The following MGAT4C variants were observed in gnomAD, a reference collection of about 807,000 sequenced individuals.
MGAT4C encodes MGAT4 family member C.
In MGAT4C, 19 loss-of-function variants were observed where a neutral mutation model predicts 40.1. The observed-to-expected ratio is 0.47, with a 90% CI of 0.33 to 0.70. MGAT4C has a LOEUF of 0.70. Ranked by LOEUF, MGAT4C falls within the 30% of genes least tolerant of loss-of-function variation. The probability of loss-of-function intolerance (pLI) is 0.02; values close to 1 mark genes in which losing one functional copy is unlikely to be tolerated. For missense variants in MGAT4C, 491 were observed against 563.2 expected (o/e 0.87, Z 1.30); for synonymous variants, 181 against 187.1 (o/e 0.97, Z 0.27).
chr12:86,022,912 T>G (rs1297569825), intron 2 of MGAT4C, among the ~76,000 whole-genome samples: 1 of 151,928 alleles, frequency 6.6e-6, no homozygotes, highest in Admixed American at 6.6e-5. Context: ...ATAGAGGAGA[T>G]GAAGACAGAC....
chr12:86,379,282 G>T (rs1198408167), intron 3 of MGAT4C, among the ~76,000 whole-genome samples: 1 of 151,956 alleles, frequency 6.6e-6, no homozygotes, highest in African/African-American at 2.4e-5. Context: ...AGTCATAGTT[G>T]TCCTCTCTCC....
At chr12:86,750,692 A>T (rs1427692018) in intron 1 of MGAT4C, among the ~76,000 whole-genome samples, 1 of 151,974 alleles carries the variant, frequency 6.6e-6, no homozygotes. Context: ...TTACTAATAT[A>T]GGTAACTTGA....
chr12:86,716,720 C>T (rs906234692), intron 2 of MGAT4C, among the ~76,000 whole-genome samples: 2 of 152,090 alleles, frequency 1.3e-5, no homozygotes, highest in Admixed American at 1.3e-4. Context: ...TAAGTGGTAG[C>T]TGTCAACTGA....
chr12:86,677,859 G>A (rs1311496404), intron 2 of MGAT4C, among the ~76,000 whole-genome samples: 1 of 152,062 alleles, frequency 6.6e-6, no homozygotes, highest in Non-Finnish European at 1.5e-5. Context: ...ACTTCAGAAA[G>A]CAAACGACTA....
chr12:86,393,580 A>G (rs553868374), intron 3 of MGAT4C, among the ~76,000 whole-genome samples: 1 of 152,340 alleles, frequency 6.6e-6, no homozygotes, highest in South Asian at 2.1e-4. Context: ...TGATAACTCA[A>G]TTGTTTTTAG....
At chr12:86,405,125 T>C (rs548893884) in intron 3 of MGAT4C, among the ~76,000 whole-genome samples, 7 of 151,532 alleles carry the variant, frequency 4.6e-5, no homozygotes, top group East Asian at 3.9e-4. Context: ...TAAATGTTAA[T>C]AGTAACATTT....
intron 3 of MGAT4C, among the ~76,000 whole-genome samples, chr12:86,343,221 T>C (rs1425723824): frequency 6.6e-6 from 1 of 152,188 alleles, no homozygotes; most frequent in Non-Finnish European, 1.5e-5. Flanking sequence ...TGGTTGAGCA[T>C]GTCCAATAAA....
chr12:86,379,252 C>A (rs2136218383), intron 3 of MGAT4C, among the ~76,000 whole-genome samples: 1 of 152,042 alleles, frequency 6.6e-6, no homozygotes, highest in East Asian at 1.9e-4. Flanking sequence ...CAAGCTATCA[C>A]CATTACTTGA....
chr12:86,031,459 T>G (rs1433079240), intron 2 of MGAT4C, among the ~76,000 whole-genome samples: 1 of 151,912 alleles, frequency 6.6e-6, no homozygotes, highest in Admixed American at 6.6e-5. Context: ...AGTAAAATAT[T>G]ACATAAATAT....
intron 1 of MGAT4C, among the ~76,000 whole-genome samples, chr12:86,730,832 T>G (rs2136119729): frequency 6.6e-6 from 1 of 152,226 alleles, no homozygotes; most frequent in Non-Finnish European, 1.5e-5. Flanking sequence ...TTTTAAAAAA[T>G]ATTTTTATTA....
chr12:86,088,392 T>G (rs948175044), intron 1 of MGAT4C, among the ~76,000 whole-genome samples: 2 of 151,852 alleles, frequency 1.3e-5, no homozygotes, highest in African/African-American at 2.4e-5. Context: ...CTAAAGAGCT[T>G]CTTCTGCACA....
At chr12:86,071,967 A>AT (rs1345985322) in intron 1 of MGAT4C, among the ~76,000 whole-genome samples, 2 of 151,772 alleles carry the variant, frequency 1.3e-5, no homozygotes, top group Non-Finnish European at 2.9e-5. Context: ...TCTTGCTCTC[A>AT]TTAGCTTTCA....
intron 1 of MGAT4C, among the ~76,000 whole-genome samples, chr12:86,751,677 G>A (rs1445582152): frequency 6.6e-6 from 1 of 151,950 alleles, no homozygotes; most frequent in Admixed American, 6.6e-5. Flanking sequence ...AATTACAGAT[G>A]GTGGTTTCTT....
intron 2 of MGAT4C, among the ~76,000 whole-genome samples, chr12:86,561,576 G>T (rs1452265858): frequency 2.6e-5 from 4 of 152,036 alleles, no homozygotes. Flanking sequence ...GTTTTCCAGG[G>T]GCTCTCAGGT....
intron 2 of MGAT4C, among the ~76,000 whole-genome samples, chr12:86,665,653 G>C (rs1964087631): frequency 6.6e-6 from 1 of 152,128 alleles, no homozygotes; most frequent in Non-Finnish European, 1.5e-5. Flanking sequence ...TTACAGGCGT[G>C]AGCCACCGCT....
In MGAT4C at chr12:85,960,060, A is replaced by G. The variant is rs1883029453; in HGVS notation, c.*19229T>C. ...ATTAAAGAAAATTGTTGCACGGACT[A>G]CATTGATTAGAGTCTAATTTTTGGA... On this transcript the variant is annotated 3_prime_UTR_variant, in exon 5 of 5. Transcript: ENST00000611864. 1 of 151,984 alleles carries G rather than the reference A, an allele frequency of 6.6e-6. No homozygotes were observed. The highest frequency in any genetic ancestry group is 1.5e-5 in the Non-Finnish European group (1 of 67,922). The allele number at this position is 151,984 out of a possible 1,614,324, so 9.4% of individuals were successfully genotyped here.
In MGAT4C at chr12:86,164,132, A is replaced by G. The variant is rs1885922646; in HGVS notation, c.-57+92107T>C. Among the ~76,000 whole-genome samples, 7 of 152,170 alleles carry G rather than the reference A, an allele frequency of 4.6e-5. No homozygotes were observed. The South Asian group carries it at 1.2e-3, about 27-fold the overall frequency. On this transcript the variant is annotated intron_variant, in intron 1 of 4. Transcript: ENST00000611864. ...CCTTTGAGAGTAAATCAAATTGACA[A>G]AAACAGAAGGTTTATAGAGAGTTAA...
At chr12:86,828,554 T>G (rs996334513) in intron 1 of MGAT4C, among the ~76,000 whole-genome samples, 1 of 151,384 alleles carries the variant, frequency 6.6e-6, no homozygotes, top group Admixed American at 6.6e-5. Context: ...TGAATAGAGA[T>G]TCTAGGAAAA....
At chr12:86,124,419 T>C (rs1879923433) in intron 1 of MGAT4C, among the ~76,000 whole-genome samples, 1 of 152,156 alleles carries the variant, frequency 6.6e-6, no homozygotes, top group South Asian at 2.1e-4. Flanking sequence ...TAGTGAAAGA[T>C]ACATTTCGCA....
Sources: allele counts gnomAD v4.1 joint callset (sites outside exome capture counted in the v4.1 genomes callset), GRCh38; gene constraint gnomAD v4.1.1; transcripts MANE v1.5; gene names NCBI Gene and HGNC (gene_info 2026-07-23, HGNC 2026-07-21).